Variants in DNAI3 observed in about 807,000 individuals in gnomAD.
The protein encoded by DNAI3 is WD repeat domain 63.
A neutral mutation model predicts 115.5 loss-of-function variants in DNAI3; 83 were observed. The observed-to-expected ratio is 0.72, with a 90% CI of 0.60 to 0.86. The LOEUF (loss-of-function observed/expected upper bound fraction) is 0.86, where lower values mean the gene tolerates loss of function less well. Ranked by LOEUF, DNAI3 falls within the 40% of genes least tolerant of loss-of-function variation. DNAI3 has a pLI of 0.00. For synonymous variants in DNAI3, 320 were observed against 347.0 expected, an observed-to-expected ratio of 0.92 and a Z score of 0.86; for missense variants, 1,004 against 1,075.8, an observed-to-expected ratio of 0.93 and a Z score of 0.93.
intron 18 of DNAI3, among the ~76,000 whole-genome samples, chr1:85,123,168 T>C (rs139478480): frequency 1.3e-5 from 2 of 152,290 alleles, no homozygotes; most frequent in African/African-American, 2.4e-5. Flanking sequence ...TTATCCCTTC[T>C]TCTCCCTTGC....
rs936002447 is a variant in DNAI3 at position 85,097,222 on chromosome 1, C to G, written c.1264-347C>G. Among the ~76,000 whole-genome samples the G allele has an allele frequency of 5.5e-4, 83 of 151,994 alleles. 1 individual carries two copies. The highest frequency in any genetic ancestry group is 8.8e-5 in the Non-Finnish European group (6 of 67,992). On this transcript the variant is annotated intron_variant, in intron 11 of 22. Transcript: ENST00000294664. ...AATTCTGGAGTATGGGCTGTTTTTT[C>G]CTGGGTCCAAAGCAACTGTCCCTAC...
chr1:85,066,896 C>G (rs1290754847), intron 1 of DNAI3, among the ~76,000 whole-genome samples: 1 of 151,914 alleles, frequency 6.6e-6, no homozygotes, highest in African/African-American at 2.4e-5. Context: ...AAAGAAAGAT[C>G]TACATAAAAA....
At chr1:85,091,948 C>T (rs1213302488) in intron 8 of DNAI3, among the ~76,000 whole-genome samples, 2 of 152,218 alleles carry the variant, frequency 1.3e-5, no homozygotes, top group African/African-American at 4.8e-5. Flanking sequence ...TTTAACTTTT[C>T]TCTTGAGAAT....
intron 1 of DNAI3, among the ~76,000 whole-genome samples, chr1:85,063,993 C>T (rs1276687086): frequency 2.0e-5 from 3 of 152,120 alleles, no homozygotes; most frequent in East Asian, 1.9e-4. Context: ...ATTATTTATA[C>T]TCATCATTAC....
At chr1:85,081,509 GC>G in intron 4 of DNAI3, 94 bp downstream of exon 4, 1 of 1,253,410 alleles carries the variant, frequency 8.0e-7, no homozygotes, top group Non-Finnish European at 1.1e-6. Flanking sequence ...TTCAAATCTG[GC>G]CCCATTGCTT....
At chr1:85,099,919 A>G (rs1655238633) in intron 13 of DNAI3, among the ~76,000 whole-genome samples, 1 of 152,194 alleles carries the variant, frequency 6.6e-6, no homozygotes, top group Non-Finnish European at 1.5e-5. Context: ...GGCTAGCCAT[A>G]TGTAGAAAGC....
chr1:85,132,724 C>T, intron 22 of DNAI3, 131 bp from the exon 23 acceptor site: 1 of 1,103,308 alleles, frequency 9.1e-7, no homozygotes. Context: ...CTCCTGCCTT[C>T]CTGCCCTCCA....
At chr1:85,104,502 C>T (rs1202599857) in intron 13 of DNAI3, 22 bp from the exon 14 acceptor site, 1 of 1,598,070 alleles carries the variant, frequency 6.3e-7, no homozygotes, top group Admixed American at 1.7e-5. Flanking sequence ...AATTTTATTT[C>T]TCTTTCATTT....
chr1:85,069,577 A>G (rs1654206006), intron 1 of DNAI3, among the ~76,000 whole-genome samples: 1 of 151,896 alleles, frequency 6.6e-6, no homozygotes, highest in African/African-American at 2.4e-5. Flanking sequence ...TGGTGTGAAG[A>G]GTTTTTCACC....
chr1:85,097,066 T>A (rs1319696822), intron 11 of DNAI3, among the ~76,000 whole-genome samples: 1 of 152,142 alleles, frequency 6.6e-6, no homozygotes, highest in African/African-American at 2.4e-5. Flanking sequence ...GTGTTATATA[T>A]CTACCTTATC....
intron 1 of DNAI3, among the ~76,000 whole-genome samples, chr1:85,069,157 G>A (rs891081819): frequency 6.6e-6 from 1 of 152,144 alleles, no homozygotes; most frequent in Non-Finnish European, 1.5e-5. Context: ...CCCTGACTCT[G>A]CTCCAGCCAT....
At chr1:85,082,662 C>T (rs563864120) in intron 5 of DNAI3, among the ~76,000 whole-genome samples, 14 of 152,238 alleles carry the variant, frequency 9.2e-5, no homozygotes, top group African/African-American at 3.4e-4. Context: ...CCAGGCTGGG[C>T]AATTTGTTGA....
At chr1:85,085,718 A>G in intron 6 of DNAI3, 113 bp from the exon 7 acceptor site, 1 of 797,228 alleles carries the variant, frequency 1.3e-6, no homozygotes, top group Non-Finnish European at 2.0e-6. Flanking sequence ...GCAGAGCTGG[A>G]GGTGCTCACA....
chr1:85,133,063 T>G lies in DNAI3; in HGVS notation c.*65T>G. ...CTATTTATTTTTATGTCAGGTGAAC[T>G]GGCATGCTGAACATATATATATATA... On this transcript the variant is annotated 3_prime_UTR_variant, in exon 23 of 23. Coordinates refer to ENST00000294664, the MANE Select transcript of DNAI3 (RefSeq NM_145172.5). The G allele has an allele frequency of 6.5e-7, 1 of 1,530,488 alleles. No individual in the cohort carries two copies. 94.8% of individuals were successfully genotyped at this position (1,530,488 alleles called of 1,614,324 possible). A position where few individuals can be genotyped will look rare whatever the true frequency, so the allele number is the denominator to read the frequency against.
intron 16 of DNAI3, among the ~76,000 whole-genome samples, chr1:85,114,340 G>A (rs146511232): frequency 3.9e-5 from 6 of 152,066 alleles, no homozygotes; most frequent in Non-Finnish European, 7.4e-5. Context: ...TATTAATTTT[G>A]TATCCTGAAA....
chr1:85,117,859 G>A lies in DNAI3; in HGVS notation c.1917G>A (p.Glu639=). The change falls in exon 17 of 23, where the codon GAG becomes GAA. Residue 639 remains glutamate, a splice_region_variant and synonymous_variant. Transcript: ENST00000294664. ...DFCTKFFVGT[E]EGEVIYTDWK... is the part of the protein sequence containing the mutation. ...GCACAAAGTTCTTTGTGGGAACAGA[G>A]GTAAATTGGGATTATCTGCTTTTAA... 1 of 1,610,708 alleles carries A rather than the reference G, an allele frequency of 6.2e-7. No homozygotes were observed. Among genetic ancestry groups the A allele is most frequent in the Non-Finnish European group, 8.5e-7 (1 of 1,178,068 alleles).
At chr1:85,121,415 A>T (rs1046575112) in intron 17 of DNAI3, among the ~76,000 whole-genome samples, 28 of 152,244 alleles carry the variant, frequency 1.8e-4, no homozygotes, top group Non-Finnish European at 1.5e-5. Flanking sequence ...TAATCACTGA[A>T]TAAGATGGCC....
chr1:85,084,633 T>G lies in DNAI3; in HGVS notation c.478T>G (p.Trp160Gly). ...YIYKPPVSKP[W>G]VSLGSEKEIE... is the part of the protein sequence containing the mutation. ...TTATAAACCACCTGTCTCTAAACCATGGGTTTCTTTGGGCAGTGAAAAAGA... is the reference window on the plus strand; with the variant it reads ...TTATAAACCACCTGTCTCTAAACCAGGGGTTTCTTTGGGCAGTGAAAAAGA... Residue 160 changes from tryptophan to glycine, a missense_variant, in exon 6 of 23, where the codon TGG becomes GGG. Trp to Gly is a radical substitution (Grantham distance 184). This residue lies in a region of DNAI3 where 550 missense variants were observed against 568.1 expected (regional missense o/e 0.97). Coordinates refer to ENST00000294664, the MANE Select transcript of DNAI3 (RefSeq NM_145172.5). The G allele has an allele frequency of 6.4e-7, 1 of 1,570,372 alleles. No individual in the cohort carries two copies. Among genetic ancestry groups the G allele is most frequent in the Non-Finnish European group, 8.6e-7 (1 of 1,158,606 alleles).
chr1:85,108,753 C>G (rs1655568259), intron 15 of DNAI3, among the ~76,000 whole-genome samples: 3 of 152,170 alleles, frequency 2.0e-5, no homozygotes, highest in Admixed American at 2.0e-4. Context: ...GGTGGTTTTT[C>G]AACCTTTGCC....
Sources: gnomAD v4.1 joint callset for allele counts (sites outside exome capture counted in the v4.1 genomes callset) on GRCh38, gnomAD v4.1.1 for gene constraint, gnomAD v4.1.1 regional missense constraint, MANE v1.5 for transcripts, NCBI Gene and HGNC (gene_info 2026-07-23, HGNC 2026-07-21) for gene names.